Variants in PCNT observed in about 807,000 individuals in gnomAD.
The protein encoded by PCNT is pericentrin, also known as kendrin.
PCNT carries 319 observed loss-of-function variants against 380.4 expected under a neutral mutation model. The ratio of observed to expected loss-of-function variants is 0.84; its 90% CI spans 0.77 to 0.92. The LOEUF is 0.92. PCNT is among the 40% of genes least tolerant of loss of function. The probability of loss-of-function intolerance (pLI) is 0.00; values close to 1 mark genes in which losing one functional copy is unlikely to be tolerated. For synonymous variants in PCNT, 1,845 were observed against 1,735.2 expected, an observed-to-expected ratio of 1.06 and a Z score of -1.57; for missense variants, 4,400 against 4,255.3, an observed-to-expected ratio of 1.03 and a Z score of -0.95.
At chr21:46,360,721 T>C (rs946155773) in intron 13 of PCNT, among the ~76,000 whole-genome samples, 1 of 151,066 alleles carries the variant, frequency 6.6e-6, no homozygotes, top group African/African-American at 2.4e-5. Context: ...GGTTTCACCA[T>C]GTTAGCCAGG....
intron 30 of PCNT, among the ~76,000 whole-genome samples, chr21:46,417,679 T>C (rs1419250191): frequency 6.6e-6 from 1 of 152,102 alleles, no homozygotes; most frequent in Non-Finnish European, 1.5e-5. Context: ...GGCGGGAGGA[T>C]TGCTTGAGCC....
In PCNT at chr21:46,411,523, T is replaced by G; in HGVS notation, c.5450T>G (p.Leu1817Arg). The G allele has an allele frequency of 6.2e-7, 1 of 1,610,080 alleles. No individual in the cohort carries two copies. Residue 1817 changes from leucine to arginine, a missense_variant, in exon 28 of 47, where the codon CTG becomes CGG. Coordinates refer to ENST00000359568, the MANE Select transcript of PCNT (RefSeq NM_006031.6). The part of the protein sequence containing the change: ...ADQERRHSQA[L>R]EALQQRLQGA... ...CAGGAGCGCAGGCACAGCCAGGCCCTGGAGGCCCTGCAGCAGCGCCTCCAG... is the reference window on the plus strand; with the variant it reads ...CAGGAGCGCAGGCACAGCCAGGCCCGGGAGGCCCTGCAGCAGCGCCTCCAG...
chr21:46,331,345 A>G (rs769735299), intron 2 of PCNT, among the ~76,000 whole-genome samples: 1 of 146,390 alleles, frequency 6.8e-6, no homozygotes, highest in Non-Finnish European at 1.5e-5. Flanking sequence ...TTTTTAACCA[A>G]CTTTAAGATC....
intron 6 of PCNT, among the ~76,000 whole-genome samples, chr21:46,347,947 C>T (rs2084127562): frequency 6.6e-6 from 1 of 152,172 alleles, no homozygotes; most frequent in Non-Finnish European, 1.5e-5. Context: ...CTGGGGACCA[C>T]AGGTAGCAGT....
In PCNT at chr21:46,386,120, C is replaced by T. The variant is rs560437884; in HGVS notation, c.3464+137C>T. On this transcript the variant is annotated intron_variant, in intron 17 of 46. Coordinates refer to ENST00000359568, the MANE Select transcript of PCNT (RefSeq NM_006031.6). ...CGCTGGCTCCTGGTGGACGGGGACC[C>T]GGCTTCCTTCTTCTCTCAGTTAGAA... The T allele has an allele frequency of 6.5e-5, 64 of 979,502 alleles. No homozygotes were observed. The African/African-American group carries it at 7.2e-4, about 11-fold the overall frequency. The allele number at this position is 979,502 out of a possible 1,614,324, so 60.7% of individuals were successfully genotyped here.
intron 4 of PCNT, 77 bp from the exon 5 acceptor site, chr21:46,346,666 A>C: frequency 6.6e-7 from 1 of 1,505,586 alleles, no homozygotes; most frequent in Non-Finnish European, 9.0e-7. Flanking sequence ...ACTCATTCTC[A>C]TTCATGCTTC....
intron 16 of PCNT, among the ~76,000 whole-genome samples, chr21:46,382,063 T>C (rs1442542390): frequency 6.8e-6 from 1 of 146,970 alleles, no homozygotes; most frequent in Admixed American, 6.9e-5. Flanking sequence ...ATTCACCATG[T>C]TGTATATTCA....
At chr21:46,407,963 T>C (rs2086668697) in intron 27 of PCNT, among the ~76,000 whole-genome samples, 2 of 152,242 alleles carry the variant, frequency 1.3e-5, no homozygotes. Flanking sequence ...CTTAGGTCAT[T>C]GATTATAGAT....
intron 2 of PCNT, among the ~76,000 whole-genome samples, chr21:46,329,452 A>G (rs1873226307): frequency 1.3e-5 from 2 of 152,232 alleles, no homozygotes; most frequent in Non-Finnish European, 2.9e-5. Context: ...CCTACAATAA[A>G]CACATTAGGT....
intron 34 of PCNT, 35 bp downstream of exon 34, chr21:46,427,830 C>A: frequency 6.2e-7 from 1 of 1,607,648 alleles, no homozygotes; most frequent in Non-Finnish European, 8.5e-7. Context: ...CCTCAGTTTG[C>A]CCCAGGGGTC....
intron 2 of PCNT, among the ~76,000 whole-genome samples, chr21:46,330,705 T>C (rs1478589093): frequency 6.6e-6 from 1 of 152,234 alleles, no homozygotes; most frequent in Non-Finnish European, 1.5e-5. Context: ...TTGTAGATGT[T>C]AAAATAGGAG....
chr21:46,409,694 A>AT (rs2086724244), intron 27 of PCNT, among the ~76,000 whole-genome samples: 1 of 151,978 alleles, frequency 6.6e-6, no homozygotes, highest in Non-Finnish European at 1.5e-5. Flanking sequence ...CTGCCTCCAG[A>AT]GTTTAAGTGA....
Position 46,366,964 on chromosome 21 carries a change from TTGAGGAACAAC to T in PCNT, c.2993_3003del (p.Glu998ValfsTer56), listed in dbSNP as rs2084951080. On this transcript the variant is annotated frameshift_variant, in exon 15 of 47. Transcript: ENST00000359568. LOFTEE classifies it high-confidence loss of function. ...GCCCTAGAGCTCTTACGAGCAGACT[TTGAGGAACAAC>T]TGTGGAAAAAGGACTCTCTTCACCA... is the stretch of plus-strand genomic sequence containing the variant. 1 of 1,614,070 alleles carries T rather than the reference TTGAGGAACAAC, an allele frequency of 6.2e-7. No individual in the cohort carries two copies. The highest frequency in any genetic ancestry group is 8.5e-7 in the Non-Finnish European group (1 of 1,180,038).
At chr21:46,442,434 C>T in intron 43 of PCNT, 63 bp from the exon 44 acceptor site, 1 of 1,053,204 alleles carries the variant, frequency 9.5e-7, no homozygotes, top group Non-Finnish European at 1.5e-6. Flanking sequence ...GTGGGGTTTT[C>T]ATTGCTCTTT....
rs1164756482 is a variant in PCNT at position 46,349,831 on chromosome 21, G to A, written c.1344+11G>A. The stretch of plus-strand genomic sequence containing the variant: ...GAAAAACAGCTGGAGGTGGGCAGCA[G>A]CTTCGTTATTTAATTACTTGGTATA... On this transcript the variant is annotated intron_variant, in intron 8 of 46. Coordinates refer to ENST00000359568, the MANE Select transcript of PCNT (RefSeq NM_006031.6). 1 of 1,613,552 alleles carries A rather than the reference G, an allele frequency of 6.2e-7. No homozygotes were observed.
chr21:46,346,771 T>A lies in PCNT; in HGVS notation c.749T>A (p.Leu250Gln). ...GTGCATGGCCTTGAGCTGGAGGCGC[T>A]GCGCCTGAGTCTGAGCAACATGCAC... is the stretch of plus-strand genomic sequence containing the variant. ...QAVHGLELEA[L>Q]RLSLSNMHTA... The change falls in exon 5 of 47, where the codon CTG (leucine) becomes CAG (glutamine). Residue 250 changes from leucine to glutamine, a missense_variant. Coordinates refer to ENST00000359568, the MANE Select transcript of PCNT (RefSeq NM_006031.6). 6.3e-7 allele frequency: 1 copy of A among 1,597,370 alleles called. No homozygotes were observed.
intron 43 of PCNT, among the ~76,000 whole-genome samples, chr21:46,442,031 C>T (rs2053619279): frequency 6.6e-6 from 1 of 152,226 alleles, no homozygotes; most frequent in Non-Finnish European, 1.5e-5. Context: ...CTGCACTCTG[C>T]ATGCTCACCA....
chr21:46,349,064 G>C lies in PCNT; in HGVS notation c.1085G>C (p.Arg362Pro), dbSNP rs1230350919. 1.2e-6 allele frequency: 2 copies of C among 1,607,228 alleles called. No individual in the cohort carries two copies. The highest frequency in any genetic ancestry group is 2.2e-5 in the South Asian group (2 of 90,920). Residue 362 changes from arginine to proline, a missense_variant, in exon 7 of 47, where the codon CGC (arginine) becomes CCC (proline). Arg to Pro is a moderately radical substitution (Grantham distance 103). Coordinates refer to ENST00000359568, the MANE Select transcript of PCNT (RefSeq NM_006031.6). ...SEKDLCLENL[R>P]KELSAKHQSE... The stretch of plus-strand genomic sequence containing the variant: ...AAAGATTTATGTTTAGAAAATCTAC[G>C]CAAAGAACTGTCTGCAAAGCATCAA...
chr21:46,402,960 CTTTTAT>C (rs1447998611), intron 27 of PCNT, among the ~76,000 whole-genome samples: 2 of 152,190 alleles, frequency 1.3e-5, no homozygotes, highest in Non-Finnish European at 2.9e-5. Flanking sequence ...ATTTTTAAAT[CTTTTAT>C]TTTAATGTAG....
Sources: allele counts gnomAD v4.1 joint callset (sites outside exome capture counted in the v4.1 genomes callset), GRCh38; gene constraint gnomAD v4.1.1; transcripts MANE v1.5; gene names NCBI Gene and HGNC (gene_info 2026-07-23, HGNC 2026-07-21).